Variants in ANK1 observed in about 807,000 individuals in gnomAD.
ANK1 encodes the protein ankyrin 1.
ANK1 carries 51 observed loss-of-function variants against 210.4 expected under a neutral mutation model. That is an observed-to-expected ratio of 0.24 (90% CI 0.19 to 0.31). ANK1 has a LOEUF of 0.31. Ranked by LOEUF, ANK1 falls within the 10% of genes least tolerant of loss-of-function variation. The pLI is 1.00. For synonymous variants in ANK1, 967 were observed against 1,025.9 expected, an observed-to-expected ratio of 0.94 and a Z score of 1.10; for missense variants, 2,051 against 2,504.4, an observed-to-expected ratio of 0.82 and a Z score of 3.86.
intron 1 of ANK1, among the ~76,000 whole-genome samples, chr8:41,774,707 G>T (rs1227781238): frequency 6.6e-6 from 1 of 152,238 alleles, no homozygotes; most frequent in Non-Finnish European, 1.5e-5. Context: ...GGTGTCTTGT[G>T]GGTGCCTAAA....
chr8:41,660,697 C>T lies in ANK1; in HGVS notation c.*36+733G>A, dbSNP rs187597357. 4.2e-4 allele frequency among the ~76,000 whole-genome samples: 64 copies of T among 152,358 alleles called. 1 individual carries two copies. Among genetic ancestry groups the T allele is most frequent in the Non-Finnish European group, 5.0e-4 (34 of 68,038 alleles). ...CACAGCCCAGGCCCCGGCCCCAACC[C>T]TGACGGTCTCCTGACTTGCAGAAAG... On this transcript the variant is annotated intron_variant, in intron 42 of 42. Coordinates refer to ENST00000289734, the MANE Select transcript of ANK1 (RefSeq NM_000037.4).
intron 1 of ANK1, among the ~76,000 whole-genome samples, chr8:41,814,538 A>G (rs187311530): frequency 6.6e-6 from 1 of 152,260 alleles, no homozygotes; most frequent in Admixed American, 6.5e-5. Flanking sequence ...ATTCCAAAAT[A>G]TTTGTCAGAG....
chr8:41,691,061 A>C lies in ANK1; in HGVS notation c.3859-462T>G, dbSNP rs986965838. Among the ~76,000 whole-genome samples, 3 of 152,110 alleles carry C rather than the reference A, an allele frequency of 2.0e-5. No individual in the cohort carries two copies. The South Asian group carries it at 6.2e-4, about 32-fold the overall frequency. On this transcript the variant is annotated intron_variant, in intron 31 of 42. Transcript: ENST00000289734. ...AACATAGGAGATCCTCATCTTTACA[A>C]ATTTTTTTAAAAAAACTAGCCAGGT...
At chr8:41,794,628 C>G (rs1848391627) in intron 1 of ANK1, among the ~76,000 whole-genome samples, 1 of 152,242 alleles carries the variant, frequency 6.6e-6, no homozygotes, top group African/African-American at 2.4e-5. Flanking sequence ...GTTTTATTCA[C>G]TGCTATATTC....
intron 1 of ANK1, among the ~76,000 whole-genome samples, chr8:41,889,169 T>C (rs1818968546): frequency 6.6e-6 from 1 of 152,198 alleles, no homozygotes; most frequent in African/African-American, 2.4e-5. Context: ...CAGCTTTGAC[T>C]CTTCTCTCAG....
chr8:41,841,558 C>G (rs1808903368), intron 1 of ANK1, among the ~76,000 whole-genome samples: 1 of 151,990 alleles, frequency 6.6e-6, no homozygotes, highest in Admixed American at 6.5e-5. Context: ...CAAAAGCAGA[C>G]AAACAAACAA....
At chr8:41,668,163 T>C in intron 39 of ANK1, 104 bp downstream of exon 39, 5 of 1,483,784 alleles carry the variant, frequency 3.4e-6, no homozygotes. Context: ...AGGAAGGGGA[T>C]ATGCTTAGCT....
chr8:41,864,491 C>A (rs1299371845), intron 1 of ANK1, among the ~76,000 whole-genome samples: 1 of 152,188 alleles, frequency 6.6e-6, no homozygotes, highest in Non-Finnish European at 1.5e-5. Flanking sequence ...CCTCCCCACT[C>A]TCCCTCATCC....
intron 9 of ANK1, 76 bp from the exon 10 acceptor site, chr8:41,719,934 GTCAC>G: frequency 6.7e-7 from 1 of 1,502,474 alleles, no homozygotes; most frequent in East Asian, 2.3e-5. Flanking sequence ...CGATTCCAAC[GTCAC>G]TCCCTACTTC....
chr8:41,654,277 CCAGCTGTCTGT>C lies in ANK1; in HGVS notation c.*1502_*1512del, dbSNP rs1476984398. 2.0e-5 allele frequency: 3 copies of C among 152,868 alleles called. No individual in the cohort carries two copies. The East Asian group carries it at 5.8e-4, about 30-fold the overall frequency. 9.5% of individuals were successfully genotyped at this position (152,868 alleles called of 1,614,324 possible). A position where few individuals can be genotyped will look rare whatever the true frequency, so the allele number is the denominator to read the frequency against. On this transcript the variant is annotated 3_prime_UTR_variant, in exon 43 of 43. Coordinates refer to ENST00000289734, the MANE Select transcript of ANK1 (RefSeq NM_000037.4). The stretch of plus-strand genomic sequence containing the variant: ...CTGATGGCACCGAGGCGAGGAACTG[CCAGCTGTCTGT>C]CTCCTTCCTGCCTTGACCCAGAGCC...
chr8:41,864,865 A>T (rs1054416320), intron 1 of ANK1, among the ~76,000 whole-genome samples: 1 of 152,204 alleles, frequency 6.6e-6, no homozygotes, highest in Non-Finnish European at 1.5e-5. Context: ...GATGTTTAGA[A>T]AGCATATCTT....
intron 1 of ANK1, among the ~76,000 whole-genome samples, chr8:41,817,046 A>C (rs1244497976): frequency 6.6e-6 from 1 of 152,174 alleles, no homozygotes; most frequent in Non-Finnish European, 1.5e-5. Flanking sequence ...CAGGTGGCTC[A>C]TGCTTTTGTA....
At chr8:41,688,314 G>A in intron 34 of ANK1, 84 bp from the exon 35 acceptor site, 1 of 1,492,480 alleles carries the variant, frequency 6.7e-7, no homozygotes, top group Non-Finnish European at 9.3e-7. Context: ...GATGGATGTG[G>A]CTTCCGTGTG....
At position 41,773,809 on chromosome 8, in the gene ANK1, C is replaced by T. The variant is rs557120197; in HGVS notation, c.28-15672G>A. On this transcript the variant is annotated intron_variant, in intron 1 of 42. Transcript: ENST00000289734. ...GGAAAGTCTAAGTTCCCCACGGCCA[C>T]GGTGCCCAGCTCCCCAGAAACCCAG... is the stretch of plus-strand genomic sequence containing the variant. Among the ~76,000 whole-genome samples, 119 of 152,272 alleles carry T rather than the reference C, an allele frequency of 7.8e-4. 1 individual carries two copies. Among genetic ancestry groups the T allele is most frequent in the Non-Finnish European group, 1.4e-3 (93 of 68,028 alleles).
intron 37 of ANK1, among the ~76,000 whole-genome samples, chr8:41,683,195 G>T (rs537536076): frequency 1.1e-4 from 17 of 152,350 alleles, no homozygotes; most frequent in Admixed American, 3.9e-4. Context: ...CATGCATGTG[G>T]ACGTGGCCGG....
chr8:41,714,866 A>G (rs1827182787), intron 15 of ANK1, 110 bp downstream of exon 15: 1 of 1,184,764 alleles, frequency 8.4e-7, no homozygotes. Context: ...TCTCAAAGAA[A>G]AAAAAGATGA....
At chr8:41,754,257 A>T (rs1334293043) in intron 2 of ANK1, among the ~76,000 whole-genome samples, 1 of 152,208 alleles carries the variant, frequency 6.6e-6, no homozygotes, top group East Asian at 1.9e-4. Context: ...CAAACAATAA[A>T]TTTTAAAATT....
intron 1 of ANK1, among the ~76,000 whole-genome samples, chr8:41,870,853 G>A (rs1434737943): frequency 2.4e-4 from 36 of 152,166 alleles, no homozygotes; most frequent in Admixed American, 2.4e-3. Flanking sequence ...TGCTGCTGGG[G>A]GTCATGGGTC....
At chr8:41,864,683 T>G (rs1813995708) in intron 1 of ANK1, among the ~76,000 whole-genome samples, 1 of 152,172 alleles carries the variant, frequency 6.6e-6, no homozygotes, top group Non-Finnish European at 1.5e-5. Context: ...GATGAGTGCT[T>G]AGAGGGTGAG....
Sources: allele counts gnomAD v4.1 joint callset (sites outside exome capture counted in the v4.1 genomes callset), GRCh38; gene constraint gnomAD v4.1.1; transcripts MANE v1.5; gene names NCBI Gene and HGNC (gene_info 2026-07-23, HGNC 2026-07-21).